The following DNAH17 variants were observed in gnomAD, a reference collection of about 807,000 sequenced individuals.
DNAH17 encodes the protein dynein axonemal heavy chain 17, also known as axonemal beta dynein heavy chain 17.
In DNAH17, 376 loss-of-function variants were observed where a neutral mutation model predicts 485.6. That is an observed-to-expected ratio of 0.77 (90% CI 0.71 to 0.84). The LOEUF is 0.84. Among genes scored for constraint, DNAH17 ranks in the 40% least tolerant of loss-of-function variants. The pLI is 0.00. For missense variants in DNAH17, 6,370 were observed against 5,839.3 expected (o/e 1.09, Z -2.96); for synonymous variants, 3,031 against 2,405.9 (o/e 1.26, Z -7.60).
chr17:78,426,450 C>A lies in DNAH17; in HGVS notation c.12915+7G>T, dbSNP rs74001314. On this transcript the variant is annotated splice_region_variant and intron_variant, in intron 79 of 80. Transcript: ENST00000389840. ...TTAGGAAGCCTCTCAGAGAAAACGG[C>A]ACTTACCCTGATGCGGAGCAGCAGG... 3.8e-3 allele frequency: 6,015 copies of A among 1,590,902 alleles called. 161 individuals carry two copies. In the African/African-American group the frequency reaches 0.066, roughly 18 times the overall value.
chr17:78,480,365 A>T (rs1271350335), intron 49 of DNAH17, among the ~76,000 whole-genome samples: 4 of 152,094 alleles, frequency 2.6e-5, no homozygotes, highest in Non-Finnish European at 5.9e-5. Flanking sequence ...AAAACAAAAC[A>T]ACAAAAAAAG....
rs1317616875 is a variant in DNAH17, at chr17:78,510,423, G to A, written c.4197C>T (p.Asn1399=). The part of the protein sequence containing the change: ...NLHSYEDEVR[N]IVDKAVKESG... ...ACTCCTTCACGGCCTTGTCCACGATGTTGCGGACCTCATCCTCGTAACTGT... is the reference window on the plus strand; with the variant it reads ...ACTCCTTCACGGCCTTGTCCACGATATTGCGGACCTCATCCTCGTAACTGT... The change falls in exon 27 of 81, where the codon AAC becomes AAT. Residue 1399 remains asparagine, a synonymous_variant. Transcript: ENST00000389840. 1.9e-6 allele frequency: 3 copies of A among 1,613,472 alleles called. No individual in the cohort carries two copies. Among genetic ancestry groups the A allele is most frequent in the Non-Finnish European group, 2.5e-6 (3 of 1,179,750 alleles).
intron 25 of DNAH17, among the ~76,000 whole-genome samples, chr17:78,515,602 T>A (rs556178285): frequency 1.4e-4 from 22 of 152,376 alleles, no homozygotes; most frequent in African/African-American, 5.0e-4. Context: ...GGACCCAGTT[T>A]TCTCTCACTT....
At chr17:78,575,821 GTCA>G (rs1259543833) in intron 1 of DNAH17, among the ~76,000 whole-genome samples, 4 of 152,210 alleles carry the variant, frequency 2.6e-5, no homozygotes, top group Admixed American at 2.0e-4. Context: ...CACCCAAACA[GTCA>G]TCAAGAGAAA....
intron 37 of DNAH17, among the ~76,000 whole-genome samples, chr17:78,498,214 T>C (rs981401280): frequency 4.6e-5 from 7 of 152,076 alleles, no homozygotes; most frequent in Non-Finnish European, 8.8e-5. Flanking sequence ...TCCACCCAGG[T>C]TGTGGGGCTT....
At chr17:78,429,480 T>C (rs577268774) in intron 75 of DNAH17, among the ~76,000 whole-genome samples, 180 bp from the exon 76 acceptor site, 1 of 152,286 alleles carries the variant, frequency 6.6e-6, no homozygotes, top group Admixed American at 6.5e-5. Flanking sequence ...GGGCCACCTT[T>C]CTTTCCATTC....
chr17:78,476,737 C>A lies in DNAH17; in HGVS notation c.7993-4G>T, dbSNP rs756251445. The A allele has an allele frequency of 6.2e-7, 1 of 1,610,722 alleles. No homozygotes were observed. The highest frequency in any genetic ancestry group is 8.5e-7 in the Non-Finnish European group (1 of 1,178,444). ...CTGCTGTGGAAAATAAGAGTCCCTG[C>A]CCCAAACACAGGATGATCAGCACCG... On this transcript the variant is annotated splice_region_variant and splice_polypyrimidine_tract_variant and intron_variant, in intron 51 of 80. Coordinates refer to ENST00000389840, the MANE Select transcript of DNAH17 (RefSeq NM_173628.4).
At chr17:78,510,713 C>A in intron 26 of DNAH17, 2 of 617,822 alleles carry the variant, frequency 3.2e-6, no homozygotes, top group South Asian at 4.0e-5. Flanking sequence ...TGTAAAACCG[C>A]ATAAGAGCAG....
intron 43 of DNAH17, 116 bp downstream of exon 43, chr17:78,491,327 G>A (rs996307155): frequency 4.0e-5 from 57 of 1,419,178 alleles, no homozygotes; most frequent in African/African-American, 1.6e-4. Flanking sequence ...ATCCAGACAC[G>A]CCACCTGCGC....
intron 44 of DNAH17, among the ~76,000 whole-genome samples, chr17:78,486,985 GCTTTT>G (rs2089639218): frequency 3.1e-5 from 3 of 96,726 alleles, no homozygotes; most frequent in South Asian, 3.6e-4. Flanking sequence ...ACCCCTTGGT[GCTTTT>G]TTTTTTTTTT....
At chr17:78,426,864 C>G in intron 78 of DNAH17, 62 bp downstream of exon 78, 6 of 1,550,188 alleles carry the variant, frequency 3.9e-6, no homozygotes, top group Non-Finnish European at 5.2e-6. Context: ...TGCCAGAGGC[C>G]TGGGTTTCTG....
At chr17:78,562,070 T>C (rs2092169688) in intron 11 of DNAH17, 90 bp from the exon 12 acceptor site, 1 of 1,446,434 alleles carries the variant, frequency 6.9e-7, no homozygotes, top group East Asian at 2.4e-5. Context: ...GGGCCAATCT[T>C]CAGGAGTGAG....
chr17:78,435,354 C>T (rs1277764382), intron 74 of DNAH17, among the ~76,000 whole-genome samples: 3 of 152,158 alleles, frequency 2.0e-5, no homozygotes, highest in Non-Finnish European at 2.9e-5. Context: ...ACAGGTTCCA[C>T]CCACCACCGC....
intron 75 of DNAH17, among the ~76,000 whole-genome samples, chr17:78,433,818 G>A (rs1057204324): frequency 9.2e-5 from 14 of 152,138 alleles, no homozygotes; most frequent in African/African-American, 3.4e-4. Flanking sequence ...ATTACAGCAG[G>A]CTGGAGAGAT....
chr17:78,479,219 C>G, intron 50 of DNAH17, 103 bp from the exon 51 acceptor site: 1 of 1,207,554 alleles, frequency 8.3e-7, no homozygotes, highest in Non-Finnish European at 1.2e-6. Context: ...ATGGTGACAA[C>G]TGGAGTAAGA....
chr17:78,570,856 C>CAAAAAAAAAAAA lies in DNAH17; in HGVS notation c.918+80_918+91dup, dbSNP rs60897530. ...CTGGTGACAGAGCGAGACTCCCTCT[C>CAAAAAAAAAAAA]AAAAAAAAAAAAAAAAAAAAAAGAA... On this transcript the variant is annotated intron_variant, in intron 6 of 80. Coordinates refer to ENST00000389840, the MANE Select transcript of DNAH17 (RefSeq NM_173628.4). The CAAAAAAAAAAAA allele has an allele frequency of 6.3e-4, 185 of 291,840 alleles. 3 individuals carry two copies. Among genetic ancestry groups the CAAAAAAAAAAAA allele is most frequent in the African/African-American group, 6.2e-3 (70 of 11,242 alleles). The allele number at this position is 291,840 out of a possible 1,614,324, so 18.1% of individuals were successfully genotyped here.
intron 78 of DNAH17, 119 bp from the exon 79 acceptor site, chr17:78,426,719 C>T: frequency 1.4e-6 from 2 of 1,428,720 alleles, no homozygotes; most frequent in Non-Finnish European, 9.5e-7. Context: ...TCTGGAGACG[C>T]CCTGCATCAG....
At chr17:78,439,967 G>A (rs2087005127) in intron 72 of DNAH17, among the ~76,000 whole-genome samples, 1 of 151,730 alleles carries the variant, frequency 6.6e-6, no homozygotes, top group Admixed American at 6.6e-5. Flanking sequence ...ACTGTGGCTG[G>A]CCTCACTTTT....
At chr17:78,551,205 C>T (rs549097679) in intron 16 of DNAH17, among the ~76,000 whole-genome samples, 1 of 152,334 alleles carries the variant, frequency 6.6e-6, no homozygotes, top group Non-Finnish European at 1.5e-5. Context: ...TAGAACTGTA[C>T]TGCTTCTGTA....
Sources: allele counts gnomAD v4.1 joint callset (sites outside exome capture counted in the v4.1 genomes callset), GRCh38; gene constraint gnomAD v4.1.1; transcripts MANE v1.5; gene names NCBI Gene and HGNC (gene_info 2026-07-23, HGNC 2026-07-21).